The following MUC6 variants were observed in gnomAD, a reference collection of about 807,000 sequenced individuals.
MUC6 encodes the protein mucin-6.
A neutral mutation model predicts 201.5 loss-of-function variants in MUC6; 188 were observed. The ratio of observed to expected loss-of-function variants is 0.93; its 90% confidence interval spans 0.83 to 1.05. The LOEUF is 1.05. Among genes scored for constraint, MUC6 ranks in the 50% least tolerant of loss-of-function variants. MUC6 has a pLI of 0.00. For missense variants in MUC6, 2,706 were observed against 3,256.9 expected (o/e 0.83, Z 4.12); for synonymous variants, 1,228 against 1,389.4 (o/e 0.88, Z 2.58).
chr11:1,019,263 G>A lies in MUC6; in HGVS notation c.4030+12C>T, dbSNP rs751508239. ...TTCGGCAGTGCTGGCATCCCATGGC[G>A]CCATGACTTACGCAGCGTGGGGCTT... is the stretch of plus-strand genomic sequence containing the variant. On this transcript the variant is annotated intron_variant, in intron 30 of 32. Transcript: ENST00000421673. The A allele has an allele frequency of 5.0e-6, 8 of 1,613,044 alleles. No individual in the cohort carries two copies. The highest frequency in any genetic ancestry group is 4.5e-5 in the East Asian group (2 of 44,896).
chr11:1,027,390 G>T lies in MUC6; in HGVS notation c.2109C>A (p.Cys703Ter), dbSNP rs200217410. The stretch of plus-strand genomic sequence containing the variant: ...TTTGGTTCAGGTAGGTGCCATCGGG[G>T]CAGTTGCAACCGTCCACGGGCACGG... ...HSAVPVDGCN[C>*]PDGTYLNQKG... Residue 703 changes from cysteine (C) to a stop codon, truncating the protein, a stop_gained, in exon 17 of 33, where the codon TGC becomes TGA. Coordinates refer to ENST00000421673, the MANE Select transcript of MUC6 (RefSeq NM_005961.3). LOFTEE classifies it high-confidence loss of function. The T allele has an allele frequency of 1.6e-3, 2,538 of 1,612,922 alleles. 1 individual carries two copies. The highest frequency in any genetic ancestry group is 2.0e-3 in the Non-Finnish European group (2,359 of 1,179,836).
chr11:1,019,838 C>T, intron 29 of MUC6: 1 of 663,122 alleles, frequency 1.5e-6, no homozygotes, highest in East Asian at 2.7e-5. Context: ...GGCAGAGGCC[C>T]TGCAGGTCCC....
At position 1,027,400 on chromosome 11, in the gene MUC6, C is replaced by T; in HGVS notation, c.2099G>A (p.Gly700Asp). Reference protein sequence around the residue: ...ECHHSAVPVDGCNCPDGTYLN... With the variant: ...ECHHSAVPVDDCNCPDGTYLN... ...GTAGGTGCCATCGGGGCAGTTGCAACCGTCCACGGGCACGGCGCTGTGGTG... is the reference window on the plus strand; with the variant it reads ...GTAGGTGCCATCGGGGCAGTTGCAATCGTCCACGGGCACGGCGCTGTGGTG... The change falls in exon 17 of 33, where the codon GGT becomes GAT. Residue 700 changes from glycine to aspartate, a missense_variant. By Grantham distance (94) the Gly-to-Asp change is moderately conservative. Coordinates refer to ENST00000421673, the MANE Select transcript of MUC6 (RefSeq NM_005961.3). 1.2e-6 allele frequency: 2 copies of T among 1,612,902 alleles called. No homozygotes were observed. The highest frequency in any genetic ancestry group is 1.7e-6 in the Non-Finnish European group (2 of 1,179,818).
intron 6 of MUC6, 56 bp from the exon 7 acceptor site, chr11:1,030,836 C>T: frequency 1.3e-6 from 2 of 1,526,788 alleles, no homozygotes; most frequent in Non-Finnish European, 1.8e-6. Context: ...GCCACCACGA[C>T]TGGGGAGGTC....
At position 1,025,400 on chromosome 11, in the gene MUC6, C is replaced by T. The variant is rs893355885; in HGVS notation, c.2800-33G>A. On this transcript the variant is annotated intron_variant, in intron 22 of 32. Transcript: ENST00000421673. ...GTGGGGTTGGCATAGGACTGCCTGT[C>T]TGTCTCCCCCGGCCCCTGGCACAGC... 5.0e-6 allele frequency: 8 copies of T among 1,591,274 alleles called. No homozygotes were observed. In the African/African-American group the frequency reaches 1.1e-4, roughly 21 times the overall value.
rs1309587120 is a variant in MUC6, at chr11:1,028,732, C to T, written c.1505G>A (p.Ser502Asn). 5.0e-6 allele frequency: 8 copies of T among 1,612,450 alleles called. No homozygotes were observed. In the Admixed American group the frequency reaches 5.0e-5, roughly 10 times the overall value. Residue 502 changes from serine (S) to asparagine (N), a missense_variant, in exon 13 of 33, where the codon AGC becomes AAC. By Grantham distance (46) the Ser-to-Asn change is conservative. Around this residue, in one of 10 missense-constraint regions of MUC6, gnomAD observed 1,850 missense variants for 1,958.3 expected, o/e 0.94. Transcript: ENST00000421673. ...CTGGACCACGAGCTCCAGCCCGAAG[C>T]TGGTGGCCATCTGGAGGTGGGTGGA... The part of the protein sequence containing the change: ...QTSTHLQMAT[S>N]FGLELVVQLR...
At chr11:1,020,398 T>G (rs1856780042) in intron 28 of MUC6, 141 bp from the exon 29 acceptor site, 1 of 1,197,042 alleles carries the variant, frequency 8.4e-7, no homozygotes, top group African/African-American at 1.5e-5. Context: ...CCTGTGGCAC[T>G]CTGAGTGCAG....
rs2133820368 is a variant in MUC6 at position 1,019,313 on chromosome 11, A to G, written c.3992T>C (p.Leu1331Pro). ...AQSTTRTTMTLPTPATSGTSP... is the reference protein window; with the variant it reads ...AQSTTRTTMTPPTPATSGTSP... ...TGTCCCTGATGTGGCTGGGGTTGGT[A>G]GTGTCATTGTGGTCCGTGTTGTGGA... Residue 1331 changes from leucine to proline, a missense_variant, in exon 30 of 33, where the codon CTA becomes CCA. Around this residue, in one of 10 missense-constraint regions of MUC6, gnomAD observed 1,850 missense variants for 1,958.3 expected, o/e 0.94. Coordinates refer to ENST00000421673, the MANE Select transcript of MUC6 (RefSeq NM_005961.3). 1 of 1,613,778 alleles carries G rather than the reference A, an allele frequency of 6.2e-7. No homozygotes were observed. The highest frequency in any genetic ancestry group is 8.5e-7 in the Non-Finnish European group (1 of 1,179,852).
chr11:1,033,677 C>A lies in MUC6; in HGVS notation c.53-602G>T, dbSNP rs1199846670. Among the ~76,000 whole-genome samples, 1 of 152,050 alleles carries A rather than the reference C, an allele frequency of 6.6e-6. No homozygotes were observed. The highest frequency in any genetic ancestry group is 1.5e-5 in the Non-Finnish European group (1 of 67,952). ...CAGTCACGGTGACTCCAGGGCAGGG[C>A]AGCGGGGGACGTCCCACCCTGACTC... On this transcript the variant is annotated intron_variant, in intron 1 of 32. Coordinates refer to ENST00000421673, the MANE Select transcript of MUC6 (RefSeq NM_005961.3). The surrounding 1 kb of genome is among the most constrained non-coding windows in gnomAD (Gnocchi z 5.6).
Position 1,024,043 on chromosome 11 carries a change from C to T in MUC6, c.3286G>A (p.Gly1096Arg), listed in dbSNP as rs371512903. Residue 1096 changes from glycine (G) to arginine (R), a missense_variant, in exon 25 of 33, where the codon GGG (glycine) becomes AGG (arginine). By Grantham distance (125) the Gly-to-Arg change is moderately radical. Around this residue, in one of 10 missense-constraint regions of MUC6, gnomAD observed 1,850 missense variants for 1,958.3 expected, o/e 0.94. Coordinates refer to ENST00000421673, the MANE Select transcript of MUC6 (RefSeq NM_005961.3). ...GCATCGCACAGACACTCACAGTCCCCGCCACTGTCACACCCACATGCGTCG... is the reference window on the plus strand; with the variant it reads ...GCATCGCACAGACACTCACAGTCCCTGCCACTGTCACACCCACATGCGTCG... ...VRDACGCDSG[G>R]DCECLCDAVA... 2.2e-5 allele frequency: 36 copies of T among 1,612,964 alleles called. No individual in the cohort carries two copies. The highest frequency in any genetic ancestry group is 1.6e-4 in the Middle Eastern group (1 of 6,084).
chr11:1,022,190 C>T (rs1856828543), intron 26 of MUC6, among the ~76,000 whole-genome samples: 1 of 148,014 alleles, frequency 6.8e-6, no homozygotes, highest in Non-Finnish European at 1.5e-5. Context: ...AGCCCCGCGC[C>T]CCTCACTCAC....
chr11:1,013,947 G>A lies in MUC6; in HGVS notation c.7094C>T (p.Ala2365Val), dbSNP rs770478474. Residue 2365 changes from alanine to valine, a missense_variant, in exon 32 of 33, where the codon GCG becomes GTG. Around this residue, in one of 10 missense-constraint regions of MUC6, gnomAD observed 586 missense variants for 488.0 expected, o/e 1.20. Transcript: ENST00000421673. ...CTCACAGCGGGTTACCGTCACGTTC[G>A]CCATGCACCCCTTGAACGTGATCTC... ...QEEITFKGCM[A>V]NVTVTRCEGA... 7.5e-6 allele frequency: 12 copies of A among 1,609,024 alleles called. No individual in the cohort carries two copies. Among genetic ancestry groups the A allele is most frequent in the Admixed American group, 5.0e-5 (3 of 59,574 alleles).
chr11:1,025,684 G>T, intron 22 of MUC6, 121 bp downstream of exon 22: 1 of 977,740 alleles, frequency 1.0e-6, no homozygotes, highest in Non-Finnish European at 1.5e-6. Flanking sequence ...CTCAAGGAGA[G>T]GCAGGCGGGG....
chr11:1,035,049 C>G (rs1000303603), intron 1 of MUC6, among the ~76,000 whole-genome samples: 1 of 152,230 alleles, frequency 6.6e-6, no homozygotes, highest in Non-Finnish European at 1.5e-5. Context: ...TGGACGAGCA[C>G]GAGGCGGCAG....
chr11:1,029,427 C>A, intron 9 of MUC6, 61 bp from the exon 10 acceptor site: 3 of 1,598,348 alleles, frequency 1.9e-6, no homozygotes, highest in East Asian at 2.2e-5. Flanking sequence ...AGACAGCACA[C>A]CCCTGCCTGC....
rs2133834801 is a variant in MUC6 at position 1,030,593 on chromosome 11, C to T, written c.872G>A (p.Trp291Ter). ...CTCACAGCACAGGCCGGGGCTCCGC[C>T]AGCGGCGGACCGGCTGGCCCACCAT... ...CSMVGQPVRR[W>*]RSPGLCSVGQ... is the part of the protein sequence containing the mutation. The change falls in exon 7 of 33, where the codon TGG becomes TAG. Residue 291 changes from tryptophan (W) to a stop codon, truncating the protein, a stop_gained. Coordinates refer to ENST00000421673, the MANE Select transcript of MUC6 (RefSeq NM_005961.3). LOFTEE classifies it high-confidence loss of function. 4 of 1,526,562 alleles carry T rather than the reference C, an allele frequency of 2.6e-6. No homozygotes were observed. Among genetic ancestry groups the T allele is most frequent in the South Asian group, 1.2e-5 (1 of 80,632 alleles). 94.6% of individuals were successfully genotyped at this position (1,526,562 alleles called of 1,614,324 possible).
At chr11:1,026,572 C>T (rs1179064870) in intron 19 of MUC6, 94 bp from the exon 20 acceptor site, 3 of 1,345,698 alleles carry the variant, frequency 2.2e-6, no homozygotes, top group South Asian at 1.5e-5. Context: ...GCGTGTCTCC[C>T]AGGTCCTCTC....
At chr11:1,023,353 AGT>A (rs776613034) in intron 26 of MUC6, among the ~76,000 whole-genome samples, 154 bp downstream of exon 26, 32 of 147,966 alleles carry the variant, frequency 2.2e-4, no homozygotes, top group African/African-American at 4.5e-4. Context: ...AATGTGCGTG[AGT>A]GTGTGTGAAT....
chr11:1,031,055 G>A lies in MUC6; in HGVS notation c.576C>T (p.Gly192=). The A allele has an allele frequency of 6.4e-7, 1 of 1,557,714 alleles. No individual in the cohort carries two copies. The highest frequency in any genetic ancestry group is 1.5e-5 in the African/African-American group (1 of 68,684). The change falls in exon 6 of 33, where the codon GGC becomes GGT. Residue 192 remains glycine (G), a splice_region_variant and synonymous_variant. Transcript: ENST00000421673. The part of the protein sequence containing the change: ...KVTNEFVSEE[G]KFLEPHKFAA... Reference sequence around the variant, plus strand: ...CAAACTTGTGGGGTTCCAGGAACTTGCCTGGGGTGCAGAATGGGGGTCAGC... The same window carrying A: ...CAAACTTGTGGGGTTCCAGGAACTTACCTGGGGTGCAGAATGGGGGTCAGC...
Sources: allele counts gnomAD v4.1 joint callset (sites outside exome capture counted in the v4.1 genomes callset), GRCh38; gene constraint gnomAD v4.1.1; regional missense constraint gnomAD v4.1.1; non-coding constraint Gnocchi (gnomAD v3.1); transcripts MANE v1.5; gene names NCBI Gene and HGNC (gene_info 2026-07-23, HGNC 2026-07-21).